Variants in WDFY2 observed in about 807,000 individuals in gnomAD.
WDFY2 encodes the protein WD repeat and FYVE domain containing 2.
Under a neutral mutation model 56.4 loss-of-function variants are expected in WDFY2, and 36 were observed. The ratio of observed to expected loss-of-function variants is 0.64; its 90% CI spans 0.49 to 0.84. The LOEUF (loss-of-function observed/expected upper bound fraction) is 0.84, where lower values mean the gene tolerates loss of function less well. WDFY2 is among the 40% of genes least tolerant of loss of function. WDFY2 has a pLI of 0.00. For synonymous variants in WDFY2, 176 were observed against 183.7 expected, an observed-to-expected ratio of 0.96 and a Z score of 0.34; for missense variants, 444 against 512.2, an observed-to-expected ratio of 0.87 and a Z score of 1.29.
chr13:51,680,216 C>T (rs1955954807), intron 3 of WDFY2, among the ~76,000 whole-genome samples: 1 of 152,208 alleles, frequency 6.6e-6, no homozygotes, highest in African/African-American at 2.4e-5. Flanking sequence ...ATCCGCCTGC[C>T]TCTCACTTCC....
chr13:51,643,666 A>G (rs1166606169), intron 1 of WDFY2, among the ~76,000 whole-genome samples: 1 of 152,136 alleles, frequency 6.6e-6, no homozygotes, highest in Non-Finnish European at 1.5e-5. Context: ...GCTGATGCTA[A>G]TAACTAGGGC....
At chr13:51,665,231 C>G (rs1418133726) in intron 2 of WDFY2, among the ~76,000 whole-genome samples, 1 of 152,166 alleles carries the variant, frequency 6.6e-6, no homozygotes, top group Non-Finnish European at 1.5e-5. Flanking sequence ...AGAGCCTTTC[C>G]TTATCAAATA....
chr13:51,732,471 T>A (rs1952745914), intron 6 of WDFY2, among the ~76,000 whole-genome samples: 1 of 152,232 alleles, frequency 6.6e-6, no homozygotes, highest in Admixed American at 6.5e-5. Context: ...CAGTCTTTTT[T>A]CTTTTATTTC....
intron 1 of WDFY2, among the ~76,000 whole-genome samples, chr13:51,648,029 G>A (rs893065841): frequency 6.6e-6 from 1 of 152,200 alleles, no homozygotes; most frequent in Non-Finnish European, 1.5e-5. Flanking sequence ...TTGAACATGT[G>A]AGTCCCCCTC....
chr13:51,718,376 T>TGTAA (rs1189890407), intron 4 of WDFY2, among the ~76,000 whole-genome samples: 27 of 152,300 alleles, frequency 1.8e-4, no homozygotes, highest in African/African-American at 6.0e-4. Context: ...ACTGAGAAGC[T>TGTAA]GTAAGACCTC....
At chr13:51,749,387 C>A (rs981178355) in intron 7 of WDFY2, among the ~76,000 whole-genome samples, 4 of 152,098 alleles carry the variant, frequency 2.6e-5, no homozygotes, top group African/African-American at 4.8e-5. Context: ...AAAACAAAAA[C>A]CACTGTATTT....
rs145131419 is a variant in WDFY2 at position 51,673,528 on chromosome 13, A to G, written c.206-1642A>G. Among the ~76,000 whole-genome samples the G allele has an allele frequency of 2.6e-5, 4 of 152,352 alleles. No individual in the cohort carries two copies. In the East Asian group the frequency reaches 7.7e-4, roughly 29 times the overall value. ...AATCTTGTCATTTGAACACAAGAAT[A>G]ATTTTTCCATGTATCCTGTACTTAT... On this transcript the variant is annotated intron_variant, in intron 2 of 11. Transcript: ENST00000298125.
intron 1 of WDFY2, chr13:51,587,058 C>CTAAT (rs1953954968): frequency 6.6e-6 from 1 of 152,120 alleles, no homozygotes; most frequent in Non-Finnish European, 1.5e-5. Context: ...AAGCCATTAC[C>CTAAT]ATTCACTGCT....
chr13:51,710,306 T>C (rs1039214415), intron 4 of WDFY2, among the ~76,000 whole-genome samples: 3 of 152,012 alleles, frequency 2.0e-5, no homozygotes, highest in Non-Finnish European at 4.4e-5. Context: ...TAAGAGCTAT[T>C]TATGACAAAC....
Position 51,751,307 on chromosome 13 carries a change from C to T in WDFY2, c.726-3C>T. On this transcript the variant is annotated splice_polypyrimidine_tract_variant and splice_region_variant and intron_variant, in intron 7 of 11. Coordinates refer to ENST00000298125, the MANE Select transcript of WDFY2 (RefSeq NM_052950.4). ...TGTCAATAACCCTTGGTTTCTTTCA[C>T]AGCGACAGAGTCCAGGCCCTCTCCT... 1 of 1,611,770 alleles carries T rather than the reference C, an allele frequency of 6.2e-7. No homozygotes were observed. Among genetic ancestry groups the T allele is most frequent in the Non-Finnish European group, 8.5e-7 (1 of 1,179,050 alleles).
intron 2 of WDFY2, among the ~76,000 whole-genome samples, chr13:51,671,648 G>A (rs1031927887): frequency 6.6e-6 from 1 of 151,582 alleles, no homozygotes; most frequent in East Asian, 1.9e-4. Context: ...TGTTGTGTGC[G>A]TTAATTGCTA....
rs186989323 is a variant in WDFY2, at chr13:51,757,146, C to T, written c.1064+684C>T. ...TCAATCCTTCCAGCACCTTGTATTACAGTAAAATCATAAGTAGTCTTATTT... is the reference window on the plus strand; with the variant it reads ...TCAATCCTTCCAGCACCTTGTATTATAGTAAAATCATAAGTAGTCTTATTT... On this transcript the variant is annotated intron_variant, in intron 10 of 11. Coordinates refer to ENST00000298125, the MANE Select transcript of WDFY2 (RefSeq NM_052950.4). Among the ~76,000 whole-genome samples, 210 of 152,266 alleles carry T rather than the reference C, an allele frequency of 1.4e-3. 1 individual carries two copies. Among genetic ancestry groups the T allele is most frequent in the Non-Finnish European group, 1.6e-3 (111 of 68,014 alleles).
chr13:51,672,455 T>C (rs911405315), intron 2 of WDFY2, among the ~76,000 whole-genome samples: 19 of 152,328 alleles, frequency 1.2e-4, no homozygotes, highest in African/African-American at 3.8e-4. Flanking sequence ...TATGGCCTTA[T>C]ATATAGTTTG....
chr13:51,694,551 G>A (rs1169852043), intron 3 of WDFY2, among the ~76,000 whole-genome samples: 5 of 152,206 alleles, frequency 3.3e-5, no homozygotes, highest in South Asian at 2.1e-4. Context: ...CCAGAGATCC[G>A]CTGTTAGTCT....
At chr13:51,611,258 C>A (rs1954497173) in intron 1 of WDFY2, among the ~76,000 whole-genome samples, 1 of 152,072 alleles carries the variant, frequency 6.6e-6, no homozygotes, top group Admixed American at 6.5e-5. Flanking sequence ...GACTGTAAAA[C>A]CTATTGCTGT....
intron 3 of WDFY2, among the ~76,000 whole-genome samples, chr13:51,693,616 T>G (rs1227633041): frequency 6.6e-6 from 1 of 152,132 alleles, no homozygotes; most frequent in African/African-American, 2.4e-5. Flanking sequence ...TGTGGTCAAT[T>G]TTGGAATAGG....
chr13:51,678,240 C>T (rs941303440), intron 3 of WDFY2, among the ~76,000 whole-genome samples: 30 of 152,140 alleles, frequency 2.0e-4, no homozygotes, highest in African/African-American at 7.2e-4. Flanking sequence ...AAAAGTCTGT[C>T]TCTTCCATTA....
intron 9 of WDFY2, 77 bp downstream of exon 9, chr13:51,755,536 C>T: frequency 7.0e-7 from 1 of 1,421,836 alleles, no homozygotes; most frequent in Non-Finnish European, 9.9e-7. Flanking sequence ...AGAAATAACA[C>T]CCCTGGGTGG....
chr13:51,658,151 T>C (rs1309205596), intron 1 of WDFY2, among the ~76,000 whole-genome samples: 2 of 152,230 alleles, frequency 1.3e-5, no homozygotes. Context: ...TTGAGTGCTG[T>C]AGTTATCCAT....
Sources: gnomAD v4.1 joint callset for allele counts (sites outside exome capture counted in the v4.1 genomes callset) on GRCh38, gnomAD v4.1.1 for gene constraint, MANE v1.5 for transcripts, NCBI Gene and HGNC (gene_info 2026-07-23, HGNC 2026-07-21) for gene names.